Variants in ATF7IP2 observed in about 807,000 individuals in gnomAD.
The protein encoded by ATF7IP2 is activating transcription factor 7-interacting protein 2.
In ATF7IP2, 42 loss-of-function variants were observed where a neutral mutation model predicts 64.2. That is an observed-to-expected ratio of 0.65 (90% CI 0.51 to 0.85). The LOEUF is 0.85. Among genes scored for constraint, ATF7IP2 ranks in the 40% least tolerant of loss-of-function variants. The probability of loss-of-function intolerance (pLI) is 0.00; values close to 1 mark genes in which losing one functional copy is unlikely to be tolerated. For missense variants in ATF7IP2, 933 were observed against 784.2 expected, an observed-to-expected ratio of 1.19 and a Z score of -2.27; for synonymous variants, 308 against 272.8, an observed-to-expected ratio of 1.13 and a Z score of -1.27.
At chr16:10,423,695 G>A (rs1344762002) in intron 3 of ATF7IP2, among the ~76,000 whole-genome samples, 2 of 152,150 alleles carry the variant, frequency 1.3e-5, no homozygotes, top group Non-Finnish European at 2.9e-5. Context: ...TGCCACTTTA[G>A]CTTTAGCTGG....
intron 6 of ATF7IP2, among the ~76,000 whole-genome samples, chr16:10,435,346 A>G (rs762521924): frequency 1.3e-5 from 2 of 152,172 alleles, no homozygotes; most frequent in Admixed American, 6.5e-5. Flanking sequence ...TACAGTCTTA[A>G]GTTATTCACT....
chr16:10,467,765 C>G (rs1260900520), intron 9 of ATF7IP2, among the ~76,000 whole-genome samples: 1 of 151,916 alleles, frequency 6.6e-6, no homozygotes, highest in Non-Finnish European at 1.5e-5. Context: ...GTTATCCAGG[C>G]TGGTCTCAAA....
chr16:10,430,053 C>T (rs938021871), intron 4 of ATF7IP2, among the ~76,000 whole-genome samples: 1 of 151,632 alleles, frequency 6.6e-6, no homozygotes, highest in South Asian at 2.1e-4. Context: ...AGGGTTTCAC[C>T]ACGTTGACCA....
In ATF7IP2 at chr16:10,480,969, T is replaced by A; in HGVS notation, c.1635+5T>A. On this transcript the variant is annotated splice_donor_5th_base_variant and intron_variant, in intron 13 of 13. Transcript: ENST00000562102. ...TTGGCACAAAATGCAGTCCAGGTAC[T>A]GAATCAAAGTGCTCTGTAAGGGATA... 6.3e-7 allele frequency: 1 copy of A among 1,578,284 alleles called. No homozygotes were observed. Among genetic ancestry groups the A allele is most frequent in the Non-Finnish European group, 8.7e-7 (1 of 1,147,854 alleles).
At chr16:10,472,970 T>G (rs1596620720) in intron 10 of ATF7IP2, among the ~76,000 whole-genome samples, 1 of 152,348 alleles carries the variant, frequency 6.6e-6, no homozygotes, top group East Asian at 1.9e-4. Context: ...CCCATTTTCA[T>G]TTCATTTTCT....
chr16:10,473,633 A>G (rs765130308), intron 11 of ATF7IP2, 99 bp downstream of exon 11: 9 of 849,352 alleles, frequency 1.1e-5, no homozygotes, highest in Non-Finnish European at 1.7e-5. Context: ...GTTTTAGTCC[A>G]CGTTACACAC....
At chr16:10,437,106 C>A (rs1178922689) in intron 6 of ATF7IP2, among the ~76,000 whole-genome samples, 1 of 151,470 alleles carries the variant, frequency 6.6e-6, no homozygotes, top group East Asian at 1.9e-4. Flanking sequence ...ACTGCAACCT[C>A]CACCTCCTGG....
chr16:10,386,512 T>G (rs971114810), intron 1 of ATF7IP2: 5 of 152,306 alleles, frequency 3.3e-5, no homozygotes, highest in African/African-American at 9.6e-5. Context: ...AATCTCCACC[T>G]CCACCAATTT....
chr16:10,470,815 G>A (rs972517048), intron 9 of ATF7IP2, among the ~76,000 whole-genome samples: 2 of 141,672 alleles, frequency 1.4e-5, no homozygotes, highest in African/African-American at 5.8e-5. Flanking sequence ...ATATATATAT[G>A]TGTGTGTGTA....
intron 1 of ATF7IP2, among the ~76,000 whole-genome samples, chr16:10,407,957 G>A (rs1319184285): frequency 6.6e-6 from 1 of 151,314 alleles, no homozygotes; most frequent in Non-Finnish European, 1.5e-5. Context: ...CTCTCACCAG[G>A]CTGGAGTGCA....
rs1255871541 is a variant in ATF7IP2, at chr16:10,482,952, G to T, written c.*703G>T. 6.6e-6 allele frequency: 1 copy of T among 152,198 alleles called. No homozygotes were observed. Among genetic ancestry groups the T allele is most frequent in the Non-Finnish European group, 1.5e-5 (1 of 68,058 alleles). 9.4% of individuals were successfully genotyped at this position (152,198 alleles called of 1,614,324 possible). A position where few individuals can be genotyped will look rare whatever the true frequency, so the allele number is the denominator to read the frequency against. On this transcript the variant is annotated 3_prime_UTR_variant, in exon 14 of 14. Coordinates refer to ENST00000562102, the MANE Select transcript of ATF7IP2 (RefSeq NM_001393719.1). ...TGGTCTCAAACTCCTGACCTCAGGGGATCCACCCGCCTCGGCCTCCCGAAG... is the reference window on the plus strand; with the variant it reads ...TGGTCTCAAACTCCTGACCTCAGGGTATCCACCCGCCTCGGCCTCCCGAAG...
rs774817108 is a variant in ATF7IP2 at position 10,431,117 on chromosome 16, C to T, written c.497C>T (p.Ser166Phe). 6.2e-7 allele frequency: 1 copy of T among 1,614,182 alleles called. No individual in the cohort carries two copies. The change falls in exon 5 of 14, where the codon TCC becomes TTC. Residue 166 changes from serine (S) to phenylalanine (F), a missense_variant. By Grantham distance (155) the Ser-to-Phe change is radical (BLOSUM62 -2). Transcript: ENST00000562102. ...FEHEGACSLK[S>F]SCCPPSVLSG... ...CATGAGGGGGCTTGTAGTCTAAAGT[C>T]CAGTTGCTGTCCACCCAGTGTATTG...
At chr16:10,475,194 G>C (rs1465707635) in intron 12 of ATF7IP2, among the ~76,000 whole-genome samples, 2 of 152,200 alleles carry the variant, frequency 1.3e-5, no homozygotes, top group Non-Finnish European at 2.9e-5. Context: ...ATAGAAGTCA[G>C]TAGATGAAAA....
chr16:10,391,666 G>C (rs2141735250), intron 1 of ATF7IP2, among the ~76,000 whole-genome samples: 1 of 152,236 alleles, frequency 6.6e-6, no homozygotes, highest in South Asian at 2.1e-4. Context: ...AGGAGGCCAG[G>C]TCAGGTGGAT....
intron 1 of ATF7IP2, chr16:10,387,284 T>C (rs1271196598): frequency 6.6e-6 from 1 of 152,244 alleles, no homozygotes; most frequent in African/African-American, 2.4e-5. Context: ...AATTCAGCTT[T>C]TGTGAAGTAT....
chr16:10,462,333 G>C (rs926076637), intron 9 of ATF7IP2, among the ~76,000 whole-genome samples: 1 of 151,260 alleles, frequency 6.6e-6, no homozygotes, highest in Non-Finnish European at 1.5e-5. Context: ...TTTCCATCTG[G>C]GCTCATTTTT....
At chr16:10,461,568 A>G (rs2049376274) in intron 9 of ATF7IP2, among the ~76,000 whole-genome samples, 1 of 152,154 alleles carries the variant, frequency 6.6e-6, no homozygotes, top group South Asian at 2.1e-4. Flanking sequence ...CCCACAACGT[A>G]TGATTGGAAA....
intron 1 of ATF7IP2, among the ~76,000 whole-genome samples, chr16:10,402,922 A>G (rs1029029126): frequency 2.1e-5 from 3 of 143,164 alleles, no homozygotes; most frequent in Non-Finnish European, 4.6e-5. Flanking sequence ...AAAAAAAAAA[A>G]TGTTGAGTCT....
At chr16:10,416,641 A>G (rs540823630) in intron 2 of ATF7IP2, among the ~76,000 whole-genome samples, 1 of 152,260 alleles carries the variant, frequency 6.6e-6, no homozygotes, top group East Asian at 1.9e-4. Context: ...AAAAAACACA[A>G]AAGTTAGCCT....
Sources: gnomAD v4.1 joint callset for allele counts (sites outside exome capture counted in the v4.1 genomes callset) on GRCh38, gnomAD v4.1.1 for gene constraint, MANE v1.5 for transcripts, NCBI Gene and HGNC (gene_info 2026-07-23, HGNC 2026-07-21) for gene names.